The following PCM1 variants were observed in gnomAD, a reference collection of about 807,000 sequenced individuals.
The protein encoded by PCM1 is pericentriolar material 1, also known as pericentriolar material 1 protein.
A neutral mutation model predicts 241.9 loss-of-function variants in PCM1; 157 were observed. The observed-to-expected ratio is 0.65, with a 90% CI of 0.57 to 0.74. The LOEUF (loss-of-function observed/expected upper bound fraction) is 0.74. Among genes scored for constraint, PCM1 ranks in the 30% least tolerant of loss-of-function variants. The pLI is 0.00. For missense variants in PCM1, 3,478 were observed against 2,360.1 expected, an observed-to-expected ratio of 1.47 and a Z score of -9.81; for synonymous variants, 1,085 against 784.9, an observed-to-expected ratio of 1.38 and a Z score of -6.39.
chr8:18,010,686 T>C lies in PCM1; in HGVS notation c.5220+18T>C. On this transcript the variant is annotated intron_variant, in intron 32 of 38. Coordinates refer to ENST00000325083, the MANE Select transcript of PCM1 (RefSeq NM_006197.4). The stretch of plus-strand genomic sequence containing the variant: ...AAGACAAAGTATGTGCTAATTAATT[T>C]TTGCCTAAAAATATGGCTGGGCGCG... The C allele has an allele frequency of 6.3e-7, 1 of 1,578,926 alleles. No individual in the cohort carries two copies.
chr8:17,930,250 G>A lies in PCM1; in HGVS notation c.-22-5339G>A, dbSNP rs1050159930. On this transcript the variant is annotated intron_variant, in intron 2 of 38. Coordinates refer to ENST00000325083, the MANE Select transcript of PCM1 (RefSeq NM_006197.4). ...CGAGTAGCTGGGACTACAGGTGCCC[G>A]CCACCACGCCTGGCTAATTTTTTGT... Among the ~76,000 whole-genome samples the A allele has an allele frequency of 3.3e-5, 5 of 151,822 alleles. No individual in the cohort carries two copies. The East Asian group carries it at 9.8e-4, about 30-fold the overall frequency.
In PCM1 at chr8:18,009,565, G is replaced by T; in HGVS notation, c.4981G>T (p.Ala1661Ser). 1 of 1,598,858 alleles carries T rather than the reference G, an allele frequency of 6.3e-7. No individual in the cohort carries two copies. Among genetic ancestry groups the T allele is most frequent in the Non-Finnish European group, 8.5e-7 (1 of 1,171,852 alleles). The change falls in exon 31 of 39, where the codon GCT becomes TCT. Residue 1661 changes from alanine to serine, a missense_variant. Physicochemically the swap from Ala to Ser is moderately conservative, Grantham distance 99 (BLOSUM62 1). Transcript: ENST00000325083. ...SILQDSLAKF[A>S]GRKLKDCGED... Reference sequence around the variant, plus strand: ...TGAATAGGATTCACTGGCAAAATTTGCTGGCAGAAAACTGAAAGACTGTGG... The same window carrying T: ...TGAATAGGATTCACTGGCAAAATTTTCTGGCAGAAAACTGAAAGACTGTGG...
chr8:17,929,815 T>A (rs1585539744), intron 2 of PCM1, among the ~76,000 whole-genome samples: 1 of 152,222 alleles, frequency 6.6e-6, no homozygotes, highest in South Asian at 2.1e-4. Context: ...TAAAGTTTAA[T>A]TTATAGATTA....
rs370049310 is a variant in PCM1 at position 17,960,131 on chromosome 8, A to C, written c.2158A>C (p.Thr720Pro). 207 of 1,591,022 alleles carry C rather than the reference A, an allele frequency of 1.3e-4. No homozygotes were observed. Among genetic ancestry groups the C allele is most frequent in the Middle Eastern group, 8.3e-4 (5 of 6,052 alleles). The change falls in exon 14 of 39, where the codon ACA becomes CCA. Residue 720 changes from threonine to proline, a missense_variant. Coordinates refer to ENST00000325083, the MANE Select transcript of PCM1 (RefSeq NM_006197.4). ...SNNTRGNANKTQKDTGVNEKA... is the reference protein window; with the variant it reads ...SNNTRGNANKPQKDTGVNEKA... ...TAACACTAGAGGAAATGCCAATAAA[A>C]CACAGAAAGATACTGGAGTAAATGA...
At position 17,960,497 on chromosome 8, in the gene PCM1, G is replaced by A. The variant is rs923820003; in HGVS notation, c.2322+53G>A. Reference sequence around the variant, plus strand: ...CTGAAAAAAGATGTTTAAAACCTTAGGTCAACTGAAAGTACTCTTTTTTGT... The same window carrying A: ...CTGAAAAAAGATGTTTAAAACCTTAAGTCAACTGAAAGTACTCTTTTTTGT... On this transcript the variant is annotated intron_variant, in intron 15 of 38. Coordinates refer to ENST00000325083, the MANE Select transcript of PCM1 (RefSeq NM_006197.4). The A allele has an allele frequency of 6.3e-6, 9 of 1,433,266 alleles. No homozygotes were observed. The African/African-American group carries it at 1.3e-4, about 21-fold the overall frequency. 88.8% of individuals were successfully genotyped at this position (1,433,266 alleles called of 1,614,324 possible).
intron 29 of PCM1, among the ~76,000 whole-genome samples, chr8:18,005,069 C>A (rs1246861618): frequency 2.0e-5 from 3 of 152,168 alleles, no homozygotes; most frequent in African/African-American, 7.2e-5. Context: ...AATACTTTCA[C>A]TCTTTTCTGC....
At chr8:17,924,386 A>ATTC (rs1221777353) in intron 1 of PCM1, among the ~76,000 whole-genome samples, 2 of 152,218 alleles carry the variant, frequency 1.3e-5, no homozygotes, top group East Asian at 3.8e-4. Context: ...GAGTAACAGG[A>ATTC]AGCTCGATCA....
chr8:17,943,008 A>G (rs1563753218), intron 6 of PCM1, among the ~76,000 whole-genome samples: 1 of 152,060 alleles, frequency 6.6e-6, no homozygotes, highest in Non-Finnish European at 1.5e-5. Flanking sequence ...AAAAAAAAAA[A>G]AAAAGAGTTT....
At chr8:17,997,088 T>G (rs777509934) in intron 29 of PCM1, among the ~76,000 whole-genome samples, 1 of 151,922 alleles carries the variant, frequency 6.6e-6, no homozygotes, top group Non-Finnish European at 1.5e-5. Flanking sequence ...AGGTCTGGTG[T>G]TGATGAAATC....
intron 26 of PCM1, among the ~76,000 whole-genome samples, chr8:17,987,188 T>G (rs918600597): frequency 1.3e-5 from 2 of 151,898 alleles, no homozygotes; most frequent in African/African-American, 4.8e-5. Flanking sequence ...CAGTGTTTGC[T>G]CCTTTGGATT....
chr8:18,013,958 T>G lies in PCM1; in HGVS notation c.5512-6T>G, dbSNP rs747886468. ...GCCCTGCTATTAAAACATTTTTCCC[T>G]TCTAGGTCCTACAACGTGACTTTAA... On this transcript the variant is annotated splice_polypyrimidine_tract_variant and splice_region_variant and intron_variant, in intron 34 of 38. Coordinates refer to ENST00000325083, the MANE Select transcript of PCM1 (RefSeq NM_006197.4). 6.3e-7 allele frequency: 1 copy of G among 1,584,000 alleles called. No homozygotes were observed. The highest frequency in any genetic ancestry group is 8.6e-7 in the Non-Finnish European group (1 of 1,159,782).
At chr8:17,945,907 C>G (rs1446540044) in intron 6 of PCM1, among the ~76,000 whole-genome samples, 2 of 151,938 alleles carry the variant, frequency 1.3e-5, no homozygotes, top group African/African-American at 4.8e-5. Context: ...CTAAGTGAAA[C>G]AAAAGTGAAA....
chr8:17,994,189 T>G (rs2085771458), intron 29 of PCM1, among the ~76,000 whole-genome samples: 1 of 152,186 alleles, frequency 6.6e-6, no homozygotes, highest in East Asian at 1.9e-4. Context: ...CCCTACTACC[T>G]TTCATAGCCT....
Position 17,993,503 on chromosome 8 carries a change from C to A in PCM1, c.4711C>A (p.Arg1571Ser), listed in dbSNP as rs200762704. The stretch of plus-strand genomic sequence containing the variant: ...ATTAGAAACTCCCGTTATTGAAAAT[C>A]GTAGTTCACAACAACCTGTAAGTGA... The part of the protein sequence containing the change: ...NLEETPVIEN[R>S]SSQQPVSEVS... Residue 1571 changes from arginine to serine, a missense_variant, in exon 29 of 39, where the codon CGT becomes AGT. By Grantham distance (110) the Arg-to-Ser change is moderately radical. Coordinates refer to ENST00000325083, the MANE Select transcript of PCM1 (RefSeq NM_006197.4). The A allele has an allele frequency of 2.5e-6, 4 of 1,571,756 alleles. No individual in the cohort carries two copies. The highest frequency in any genetic ancestry group is 3.4e-6 in the Non-Finnish European group (4 of 1,159,910).
At chr8:18,022,754 C>T (rs1318641939) in intron 36 of PCM1, among the ~76,000 whole-genome samples, 2 of 152,178 alleles carry the variant, frequency 1.3e-5, no homozygotes, top group African/African-American at 4.8e-5. Flanking sequence ...GACTGCTCTC[C>T]TATATAATGA....
At chr8:18,009,514 TC>T (rs1309539368) in intron 30 of PCM1, 32 bp from the exon 31 acceptor site, 1 of 1,389,312 alleles carries the variant, frequency 7.2e-7, no homozygotes, top group African/African-American at 1.4e-5. Context: ...AAGTTTACTG[TC>T]TTTAAAAATT....
intron 23 of PCM1, among the ~76,000 whole-genome samples, chr8:17,973,927 T>G (rs993495766): frequency 6.6e-6 from 1 of 152,154 alleles, no homozygotes; most frequent in Non-Finnish European, 1.5e-5. Flanking sequence ...TAATGAAACC[T>G]TAGAAAAATC....
intron 36 of PCM1, among the ~76,000 whole-genome samples, chr8:18,018,922 CATATA>C (rs201967924): frequency 0.094 from 11,767 of 125,150 alleles, 1,204 homozygotes; most frequent in African/African-American, 0.27. Flanking sequence ...AAATATATAA[CATATA>C]ATATATAACA....
chr8:17,971,039 G>A (rs2076679598), intron 22 of PCM1, among the ~76,000 whole-genome samples: 1 of 152,198 alleles, frequency 6.6e-6, no homozygotes, highest in Non-Finnish European at 1.5e-5. Flanking sequence ...TTTTGCACAA[G>A]AGCAACCATA....
Sources: gnomAD v4.1 joint callset for allele counts (sites outside exome capture counted in the v4.1 genomes callset) on GRCh38, gnomAD v4.1.1 for gene constraint, MANE v1.5 for transcripts, NCBI Gene and HGNC (gene_info 2026-07-23, HGNC 2026-07-21) for gene names.